Variants in NRXN3 observed in about 807,000 individuals in gnomAD.
NRXN3 encodes the protein neurexin III.
NRXN3 carries 32 observed loss-of-function variants against 137.6 expected under a neutral mutation model. That is an observed-to-expected ratio of 0.23 (90% CI 0.18 to 0.31). The LOEUF is 0.31. NRXN3 is among the 10% of genes least tolerant of loss of function. The pLI, the probability that NRXN3 is intolerant of heterozygous loss-of-function variation, is 1.00. For synonymous variants in NRXN3, 798 were observed against 784.5 expected, an observed-to-expected ratio of 1.02 and a Z score of -0.29; for missense variants, 1,574 against 2,062.5, an observed-to-expected ratio of 0.76 and a Z score of 4.59.
At chr14:79,064,467 A>G (rs1472131588) in intron 15 of NRXN3, among the ~76,000 whole-genome samples, 1 of 152,044 alleles carries the variant, frequency 6.6e-6, no homozygotes, top group East Asian at 1.9e-4. Context: ...GGTGTCTCCA[A>G]TTGGTCATAT....
chr14:79,507,176 T>G (rs1336550084), intron 16 of NRXN3, among the ~76,000 whole-genome samples: 6 of 152,180 alleles, frequency 3.9e-5, no homozygotes, highest in Non-Finnish European at 4.4e-5. Flanking sequence ...ACACGGAAGC[T>G]AACTTGGAAG....
At chr14:78,956,892 AG>A (rs1430992052) in intron 10 of NRXN3, among the ~76,000 whole-genome samples, 4 of 152,240 alleles carry the variant, frequency 2.6e-5, no homozygotes, top group Non-Finnish European at 5.9e-5. Flanking sequence ...TATATCTTAA[AG>A]GAATTCGTCT....
chr14:79,724,064 G>C (rs1474065115), intron 19 of NRXN3, among the ~76,000 whole-genome samples: 2 of 152,084 alleles, frequency 1.3e-5, no homozygotes, highest in Non-Finnish European at 2.9e-5. Flanking sequence ...CAGCAAAACA[G>C]TTTTCTCTTT....
intron 15 of NRXN3, among the ~76,000 whole-genome samples, chr14:79,036,056 A>G (rs962246934): frequency 1.3e-5 from 2 of 152,028 alleles, no homozygotes; most frequent in African/African-American, 2.4e-5. Context: ...AATCAGAAAA[A>G]CATCGTAGTT....
intron 6 of NRXN3, among the ~76,000 whole-genome samples, chr14:78,701,297 A>G (rs1010298340): frequency 6.6e-6 from 1 of 152,192 alleles, no homozygotes; most frequent in African/African-American, 2.4e-5. Context: ...TTTTCCTTTC[A>G]CAAAGAATCC....
intron 14 of NRXN3, among the ~76,000 whole-genome samples, chr14:78,986,022 T>C (rs2099502870): frequency 6.6e-6 from 1 of 152,210 alleles, no homozygotes; most frequent in African/African-American, 2.4e-5. Flanking sequence ...TTATGAGTGA[T>C]GGCCTGTCCT....
chr14:78,735,520 A>G (rs1240684097), intron 8 of NRXN3, among the ~76,000 whole-genome samples: 7 of 152,158 alleles, frequency 4.6e-5, no homozygotes, highest in Non-Finnish European at 8.8e-5. Context: ...TGGGACAAGC[A>G]GTGTTCAGGA....
chr14:79,679,406 TAAAG>T, intron 17 of NRXN3, among the ~76,000 whole-genome samples: 1 of 152,274 alleles, frequency 6.6e-6, no homozygotes, highest in South Asian at 2.1e-4. Context: ...TGAAATAGCT[TAAAG>T]AAGGAAGAGG....
chr14:79,354,054 T>C (rs1164187089), intron 15 of NRXN3, among the ~76,000 whole-genome samples: 2 of 152,176 alleles, frequency 1.3e-5, no homozygotes, highest in East Asian at 1.9e-4. Context: ...TGCAAGATTA[T>C]AATGTTTTCC....
At chr14:78,305,715 A>C (rs951894288) in intron 4 of NRXN3, among the ~76,000 whole-genome samples, 2 of 152,120 alleles carry the variant, frequency 1.3e-5, no homozygotes, top group Non-Finnish European at 1.5e-5. Flanking sequence ...ATGAAAATAA[A>C]CTCATCTGTG....
chr14:79,650,288 C>G (rs151257065), intron 16 of NRXN3, among the ~76,000 whole-genome samples: 1 of 152,158 alleles, frequency 6.6e-6, no homozygotes, highest in Non-Finnish European at 1.5e-5. Context: ...TTATCAATGA[C>G]TGTCTGTGGA....
Position 78,775,838 on chromosome 14 carries a change from G to A in NRXN3, c.2045-27782G>A, listed in dbSNP as rs868003096. On this transcript the variant is annotated intron_variant, in intron 8 of 20. Transcript: ENST00000335750. ...CTTTCCTCAGTTTCAGTTATCTGAG[G>A]TAATTCCTGTATGAAACTATTAAAT... Among the ~76,000 whole-genome samples the A allele has an allele frequency of 3.3e-5, 5 of 152,240 alleles. No homozygotes were observed. The East Asian group carries it at 9.6e-4, about 29-fold the overall frequency.
chr14:79,279,206 T>C (rs1427298322), intron 15 of NRXN3: 1 of 287,172 alleles, frequency 3.5e-6, no homozygotes, highest in Non-Finnish European at 5.2e-6. Flanking sequence ...CGCGCGGGTG[T>C]ATACGAGCCT....
chr14:78,888,062 C>T (rs532632472), intron 10 of NRXN3, among the ~76,000 whole-genome samples: 7 of 152,120 alleles, frequency 4.6e-5, no homozygotes, highest in African/African-American at 1.7e-4. Context: ...TTGCAATAGT[C>T]CTTTAAAAAG....
intron 4 of NRXN3, among the ~76,000 whole-genome samples, chr14:78,536,002 C>G (rs2096532125): frequency 1.3e-5 from 2 of 152,052 alleles, no homozygotes; most frequent in Admixed American, 1.3e-4. Context: ...ACGTTCTCAT[C>G]AGACTCATGA....
chr14:79,239,243 G>C (rs757657996), intron 15 of NRXN3, among the ~76,000 whole-genome samples: 2 of 152,108 alleles, frequency 1.3e-5, no homozygotes, highest in Non-Finnish European at 2.9e-5. Flanking sequence ...AAAATATTTT[G>C]TTGTACTGTA....
chr14:78,278,250 T>TCCAAAGACGGGGAGGAGG (rs1457040613), intron 2 of NRXN3, among the ~76,000 whole-genome samples: 42 of 152,304 alleles, frequency 2.8e-4, no homozygotes. Flanking sequence ...GTGTTTGGTA[T>TCCAAAGACGGGGAGGAGG]CCAAAGACGG....
Position 79,511,880 on chromosome 14 carries a change from T to G in NRXN3, c.3444+44478T>G, listed in dbSNP as rs753243161. 5.9e-5 allele frequency among the ~76,000 whole-genome samples: 9 copies of G among 152,188 alleles called. 1 individual carries two copies. Among genetic ancestry groups the G allele is most frequent in the Non-Finnish European group, 1.3e-4 (9 of 68,028 alleles). On this transcript the variant is annotated intron_variant, in intron 16 of 20. Coordinates refer to ENST00000335750, the MANE Select transcript of NRXN3 (RefSeq NM_001330195.2). ...GAAAATAACAGCTAAGGAAAAAGCT[T>G]GTAATCAATATTTTTTGTTGTTGTT...
At chr14:79,703,846 T>G (rs1439307725) in intron 19 of NRXN3, among the ~76,000 whole-genome samples, 2 of 152,138 alleles carry the variant, frequency 1.3e-5, no homozygotes, top group Non-Finnish European at 2.9e-5. Context: ...TGCAATCATG[T>G]GTGAAAAGCA....
Sources: allele counts gnomAD v4.1 joint callset (sites outside exome capture counted in the v4.1 genomes callset), GRCh38; gene constraint gnomAD v4.1.1; transcripts MANE v1.5; gene names NCBI Gene and HGNC (gene_info 2026-07-23, HGNC 2026-07-21).